CLVS1: variants seen among roughly 807,000 people sequenced by gnomAD.
CLVS1 encodes the protein clavesin 1.
In CLVS1, 10 loss-of-function variants were observed where a neutral mutation model predicts 33.1. That is an observed-to-expected ratio of 0.30 (90% CI 0.19 to 0.51). The LOEUF (loss-of-function observed/expected upper bound fraction) is 0.51. Ranked by LOEUF, CLVS1 falls within the 20% of genes least tolerant of loss-of-function variation. The pLI, the probability that CLVS1 is intolerant of heterozygous loss-of-function variation, is 0.97. For synonymous variants in CLVS1, 163 were observed against 166.1 expected, an observed-to-expected ratio of 0.98 and a Z score of 0.14; for missense variants, 343 against 433.4, an observed-to-expected ratio of 0.79 and a Z score of 1.85.
chr8:61,237,203 G>T (rs1167972122), intron 2 of CLVS1, among the ~76,000 whole-genome samples: 1 of 152,200 alleles, frequency 6.6e-6, no homozygotes, highest in East Asian at 1.9e-4. Flanking sequence ...AGCATAGCTG[G>T]CCAAGGTAGC....
the CLVS1 span, among the ~76,000 whole-genome samples, chr8:61,034,416 T>A: frequency 2.6e-5 from 4 of 152,194 alleles, no homozygotes; most frequent in African/African-American, 4.8e-5. Flanking sequence ...TTTTAACTAT[T>A]TTGAAATATA....
intron 2 of CLVS1, among the ~76,000 whole-genome samples, chr8:61,162,096 A>G (rs1806763845): frequency 6.6e-6 from 1 of 152,154 alleles, no homozygotes; most frequent in South Asian, 2.1e-4. Context: ...CGTCTTTCCC[A>G]GAGCTTGGAG....
the CLVS1 span, among the ~76,000 whole-genome samples, chr8:61,020,692 G>A: frequency 6.6e-6 from 1 of 152,208 alleles, no homozygotes; most frequent in Non-Finnish European, 1.5e-5. Context: ...TCTCAGCATG[G>A]AAGGCATTGA....
intron 1 of CLVS1, among the ~76,000 whole-genome samples, chr8:61,082,801 T>G (rs1805045526): frequency 6.6e-6 from 1 of 152,016 alleles, no homozygotes; most frequent in South Asian, 2.1e-4. Flanking sequence ...TCCCAGCACT[T>G]TGGGAGGCTG....
At chr8:61,063,310 A>AGAGCAG (rs1585581099) in intron 1 of CLVS1, among the ~76,000 whole-genome samples, 1 of 145,348 alleles carries the variant, frequency 6.9e-6, no homozygotes, top group African/African-American at 2.7e-5. Context: ...AGAGAGAGAG[A>AGAGCAG]ACAGTCATTT....
At chr8:61,142,367 A>T (rs571180590) in intron 2 of CLVS1, among the ~76,000 whole-genome samples, 33 of 152,278 alleles carry the variant, frequency 2.2e-4, no homozygotes, top group African/African-American at 7.7e-4. Context: ...TGGAACTGTG[A>T]GTTAATTAAA....
intron 5 of CLVS1, among the ~76,000 whole-genome samples, chr8:61,481,608 G>A (rs974469396): frequency 6.6e-6 from 1 of 152,218 alleles, no homozygotes; most frequent in Non-Finnish European, 1.5e-5. Context: ...TGCTAGCACA[G>A]CAGTCTGAGA....
At chr8:61,255,688 G>C (rs532865363) in intron 2 of CLVS1, among the ~76,000 whole-genome samples, 1 of 152,276 alleles carries the variant, frequency 6.6e-6, no homozygotes, top group East Asian at 1.9e-4. Context: ...AATAGAGGAG[G>C]AAGAGAGGTC....
chr8:61,235,478 A>AT lies in CLVS1; in HGVS notation c.-151-64195dup, dbSNP rs748477770. 2.5e-4 allele frequency among the ~76,000 whole-genome samples: 38 copies of AT among 152,360 alleles called. No individual in the cohort carries two copies. In the South Asian group the frequency reaches 3.9e-3, roughly 16 times the overall value. On this transcript the variant is annotated intron_variant, in intron 2 of 2. Coordinates refer to the CLVS1 transcript ENST00000522621. The stretch of plus-strand genomic sequence containing the variant: ...AAGAAAATGGAACTTGAGAGGTCAC[A>AT]TTTTGTAGAATAGTTTTTTGTTTTA...
At chr8:61,387,487 T>A (rs1375295167) in intron 3 of CLVS1, among the ~76,000 whole-genome samples, 1 of 147,296 alleles carries the variant, frequency 6.8e-6, no homozygotes, top group Admixed American at 6.7e-5. Flanking sequence ...TTTTTTTTTT[T>A]AAATTTCAAT....
At chr8:61,134,572 T>C (rs1224465637) in intron 2 of CLVS1, among the ~76,000 whole-genome samples, 3 of 152,276 alleles carry the variant, frequency 2.0e-5, no homozygotes, top group African/African-American at 7.2e-5. Flanking sequence ...TAGGGGAGAA[T>C]CCATTCTCTT....
chr8:61,097,538 G>A (rs1437414518), intron 1 of CLVS1, among the ~76,000 whole-genome samples: 1 of 152,190 alleles, frequency 6.6e-6, no homozygotes, highest in Admixed American at 6.5e-5. Context: ...GTGAGCACAG[G>A]CTATTTTGTG....
intron 2 of CLVS1, among the ~76,000 whole-genome samples, chr8:61,305,302 A>T (rs780659917): frequency 6.6e-6 from 1 of 151,676 alleles, no homozygotes; most frequent in Non-Finnish European, 1.5e-5. Context: ...CTACGTTTAT[A>T]TTCTTTGTTC....
In CLVS1 at chr8:61,227,975, G is replaced by A. The variant is rs182087541; in HGVS notation, c.-151-71702G>A. Among the ~76,000 whole-genome samples the A allele has an allele frequency of 3.9e-5, 6 of 152,284 alleles. No homozygotes were observed. In the East Asian group the frequency reaches 1.2e-3, roughly 29 times the overall value. On this transcript the variant is annotated intron_variant, in intron 2 of 2. Transcript: ENST00000522621. Reference sequence around the variant, plus strand: ...TGTTTCCTGTTTGAAAATAAAGTACGTAGAATACAATACCGGAAGTGATGT... The same window carrying A: ...TGTTTCCTGTTTGAAAATAAAGTACATAGAATACAATACCGGAAGTGATGT...
intron 2 of CLVS1, among the ~76,000 whole-genome samples, chr8:61,229,303 C>T (rs570248300): frequency 1.8e-4 from 27 of 152,324 alleles, no homozygotes; most frequent in African/African-American, 5.8e-4. Flanking sequence ...AGTGTTCCTC[C>T]TCTTGTGAGA....
chr8:61,258,866 GA>G (rs1431706532), intron 2 of CLVS1, among the ~76,000 whole-genome samples: 1 of 152,078 alleles, frequency 6.6e-6, no homozygotes, highest in African/African-American at 2.4e-5. Flanking sequence ...ATGTTTTAGG[GA>G]AAAACAGTGC....
chr8:60,966,502 G>A, the CLVS1 span: 4 of 408,642 alleles, frequency 9.8e-6, no homozygotes, highest in Admixed American at 8.8e-5. Context: ...ATTTGCATAT[G>A]CCATGACCCA....
At chr8:61,334,968 A>T (rs1485997252) in intron 2 of CLVS1, among the ~76,000 whole-genome samples, 1 of 152,122 alleles carries the variant, frequency 6.6e-6, no homozygotes, top group African/African-American at 2.4e-5. Flanking sequence ...TTTTAAGGAT[A>T]ATTTGGTAGG....
upstream of CLVS1, among the ~76,000 whole-genome samples, chr8:61,055,201 G>T (rs892377411): frequency 1.3e-5 from 2 of 152,194 alleles, no homozygotes. Flanking sequence ...ATTACAGATA[G>T]TGCATATTAC....
Sources: allele counts gnomAD v4.1 joint callset (sites outside exome capture counted in the v4.1 genomes callset), GRCh38; gene constraint gnomAD v4.1.1; transcripts MANE v1.5; gene names NCBI Gene and HGNC (gene_info 2026-07-23, HGNC 2026-07-21).